DSCAM: variants seen among roughly 807,000 people sequenced by gnomAD.
DSCAM encodes cell adhesion molecule DSCAM.
In DSCAM, 47 loss-of-function variants were observed where a neutral mutation model predicts 217.7. That is an observed-to-expected ratio of 0.22 (90% confidence interval 0.17 to 0.28). DSCAM has a LOEUF of 0.28. Ranked by LOEUF, DSCAM falls within the 10% of genes least tolerant of loss-of-function variation. DSCAM has a pLI of 1.00. For missense variants in DSCAM, 2,080 were observed against 2,618.3 expected (o/e 0.79, Z 4.49); for synonymous variants, 1,056 against 1,015.3 (o/e 1.04, Z -0.76).
At chr21:40,139,094 T>TGTGTG (rs1321608696) in intron 18 of DSCAM, among the ~76,000 whole-genome samples, 1 of 140,950 alleles carries the variant, frequency 7.1e-6, no homozygotes, top group Non-Finnish European at 1.5e-5. Flanking sequence ...GTATGTGGGA[T>TGTGTG]GTGTGGTGTG....
intron 3 of DSCAM, among the ~76,000 whole-genome samples, chr21:40,522,643 A>T (rs960287293): frequency 5.3e-5 from 8 of 152,190 alleles, no homozygotes; most frequent in Admixed American, 3.3e-4. Context: ...TGAAAGGGAA[A>T]CAGAATTGAT....
At chr21:40,282,619 AAGAT>A (rs2073777528) in intron 10 of DSCAM, among the ~76,000 whole-genome samples, 2 of 148,742 alleles carry the variant, frequency 1.3e-5, no homozygotes, top group Admixed American at 6.7e-5. Context: ...AAAAAAAAAA[AAGAT>A]AGGTAATCTA....
At chr21:40,669,513 TCA>T (rs375281795) in intron 3 of DSCAM, among the ~76,000 whole-genome samples, 263 of 152,262 alleles carry the variant, frequency 1.7e-3, no homozygotes, top group African/African-American at 6.1e-3. Flanking sequence ...TGTCTATAAT[TCA>T]GTCACCAAAG....
chr21:40,414,551 C>A (rs4352296), intron 3 of DSCAM, among the ~76,000 whole-genome samples: 65,814 of 152,028 alleles, frequency 0.43, 15,037 homozygotes, highest in Middle Eastern at 0.52. Context: ...TACACTTTTT[C>A]CATGAGGTAC....
At chr21:40,168,912 A>C (rs9985031) in intron 15 of DSCAM, among the ~76,000 whole-genome samples, 30,576 of 151,818 alleles carry the variant, frequency 0.2, 3,235 homozygotes, top group Admixed American at 0.23. Context: ...ATTTCTCTCT[A>C]TATATAATGG....
At chr21:40,054,030 TGCATATAAATG>T (rs1472431747) in intron 29 of DSCAM, among the ~76,000 whole-genome samples, 1 of 152,232 alleles carries the variant, frequency 6.6e-6, no homozygotes, top group Non-Finnish European at 1.5e-5. Flanking sequence ...AATTAAATAA[TGCATATAAATG>T]GCTTATAAAA....
chr21:40,697,843 G>C (rs1266816132), intron 2 of DSCAM, among the ~76,000 whole-genome samples: 1 of 152,160 alleles, frequency 6.6e-6, no homozygotes, highest in South Asian at 2.1e-4. Context: ...TTCATACAAA[G>C]TTAAGGATTT....
At chr21:40,737,223 G>C (rs1224694231) in intron 1 of DSCAM, among the ~76,000 whole-genome samples, 1 of 152,176 alleles carries the variant, frequency 6.6e-6, no homozygotes, top group Non-Finnish European at 1.5e-5. Context: ...TAATTTCACT[G>C]TAAGGCAGAA....
At chr21:40,687,614 C>T (rs771421791) in intron 3 of DSCAM, among the ~76,000 whole-genome samples, 7 of 152,134 alleles carry the variant, frequency 4.6e-5, no homozygotes, top group African/African-American at 7.2e-5. Flanking sequence ...TTTGCTGAAA[C>T]GTGCTTAAGG....
intron 1 of DSCAM, among the ~76,000 whole-genome samples, chr21:40,834,951 C>T (rs1172552295): frequency 1.3e-5 from 2 of 152,312 alleles, no homozygotes; most frequent in South Asian, 2.1e-4. Flanking sequence ...CCACCACAAT[C>T]GACTCATTGC....
Position 40,818,547 on chromosome 21 carries a change from C to CAA in DSCAM, c.43+28070_43+28071dup, listed in dbSNP as rs60730859. Reference sequence around the variant, plus strand: ...GGCTACACAGCCAGACTCCGTCTCACAAAAAAAAAAAAAAAAAAAAAAAAA... The same window carrying CAA: ...GGCTACACAGCCAGACTCCGTCTCACAAAAAAAAAAAAAAAAAAAAAAAAAAA... On this transcript the variant is annotated intron_variant, in intron 1 of 32. Transcript: ENST00000400454. 1.8e-3 allele frequency among the ~76,000 whole-genome samples: 75 copies of CAA among 41,852 alleles called. 21 individuals carry two copies. Among genetic ancestry groups the CAA allele is most frequent in the Admixed American group, 3.8e-3 (9 of 2,346 alleles). The allele number at this position is 41,852 out of a possible 152,430, so 27.5% of individuals were successfully genotyped here.
intron 3 of DSCAM, among the ~76,000 whole-genome samples, chr21:40,638,288 G>T (rs937239822): frequency 6.6e-6 from 1 of 152,146 alleles, no homozygotes; most frequent in Non-Finnish European, 1.5e-5. Context: ...CCCTGGTAAC[G>T]AGATGGTAAC....
intron 3 of DSCAM, among the ~76,000 whole-genome samples, chr21:40,677,986 T>C (rs2146416590): frequency 6.7e-6 from 1 of 148,676 alleles, no homozygotes; most frequent in South Asian, 2.2e-4. Context: ...TTATATATAA[T>C]ACTTTTTTTT....
intron 11 of DSCAM, among the ~76,000 whole-genome samples, chr21:40,239,458 A>AAGC (rs894785650): frequency 2.6e-5 from 4 of 152,212 alleles, no homozygotes; most frequent in African/African-American, 9.6e-5. Flanking sequence ...AAATCAAAAA[A>AAGC]AGCAACGATG....
At chr21:40,035,873 G>C (rs1473318895) in intron 32 of DSCAM, among the ~76,000 whole-genome samples, 1 of 146,602 alleles carries the variant, frequency 6.8e-6, no homozygotes, top group African/African-American at 2.7e-5. Context: ...ACTCAAAACC[G>C]CTCAACTACA....
intron 3 of DSCAM, among the ~76,000 whole-genome samples, chr21:40,623,809 AGTG>A (rs1162955512): frequency 2.0e-5 from 3 of 152,192 alleles, no homozygotes; most frequent in African/African-American, 7.2e-5. Context: ...GCCTACGGAT[AGTG>A]GTGTTTTTGT....
At chr21:40,170,127 T>C (rs1169625654) in intron 15 of DSCAM, among the ~76,000 whole-genome samples, 2 of 152,172 alleles carry the variant, frequency 1.3e-5, no homozygotes, top group African/African-American at 2.4e-5. Flanking sequence ...CCCAGCCATG[T>C]CCAAAACACA....
chr21:40,341,447 T>C (rs1248951155), intron 6 of DSCAM, among the ~76,000 whole-genome samples: 1 of 152,234 alleles, frequency 6.6e-6, no homozygotes, highest in Non-Finnish European at 1.5e-5. Flanking sequence ...ACTTCTCTTT[T>C]TGTAGGTAAA....
chr21:40,076,003 A>G (rs2089360546), intron 26 of DSCAM, among the ~76,000 whole-genome samples: 1 of 152,292 alleles, frequency 6.6e-6, no homozygotes, highest in East Asian at 1.9e-4. Context: ...GCTACCCTCC[A>G]TTATATAAGA....
Sources: gnomAD v4.1 joint callset for allele counts (sites outside exome capture counted in the v4.1 genomes callset) on GRCh38, gnomAD v4.1.1 for gene constraint, MANE v1.5 for transcripts, NCBI Gene and HGNC (gene_info 2026-07-23, HGNC 2026-07-21) for gene names.